AFF1: variants seen among roughly 807,000 people sequenced by gnomAD.
AFF1 encodes the protein AF4/FMR2 family member 1.
A neutral mutation model predicts 121.7 loss-of-function variants in AFF1; 48 were observed. The ratio of observed to expected loss-of-function variants is 0.39; its 90% CI spans 0.31 to 0.50. The LOEUF is 0.50. Among genes scored for constraint, AFF1 ranks in the 20% least tolerant of loss-of-function variants. AFF1 has a pLI of 0.76. For missense variants in AFF1, 1,523 were observed against 1,511.7 expected (o/e 1.01, Z -0.12); for synonymous variants, 613 against 563.0 (o/e 1.09, Z -1.26).
rs1729550044 is a variant in AFF1, at chr4:87,139,467, A to T, written c.*3766A>T. The T allele has an allele frequency of 4.3e-6, 1 of 232,484 alleles. No individual in the cohort carries two copies. Among genetic ancestry groups the T allele is most frequent in the East Asian group, 6.1e-5 (1 of 16,402 alleles). 14.4% of individuals were successfully genotyped at this position (232,484 alleles called of 1,614,324 possible). ...TAAAACTTTGCCATTTCATCTGTTTACACTCTTTGCCACTGATTAGCAGTA... is the reference window on the plus strand; with the variant it reads ...TAAAACTTTGCCATTTCATCTGTTTTCACTCTTTGCCACTGATTAGCAGTA... On this transcript the variant is annotated 3_prime_UTR_variant, in exon 21 of 21. Transcript: ENST00000395146.
chr4:87,063,904 A>G (rs956807387), intron 4 of AFF1, among the ~76,000 whole-genome samples: 1 of 152,236 alleles, frequency 6.6e-6, no homozygotes, highest in East Asian at 1.9e-4. Context: ...GCAGAATCCC[A>G]AGAAATATCT....
At position 87,114,856 on chromosome 4, in the gene AFF1, G is replaced by A; in HGVS notation, c.2023G>A (p.Glu675Lys). Residue 675 changes from glutamate to lysine, a missense_variant, in exon 12 of 21, where the codon GAG becomes AAG. Glu to Lys is a moderately conservative substitution (Grantham distance 56, BLOSUM62 1). Transcript: ENST00000395146. ...EPKPAVPPSS[E>K]KKKHKSSLPA... ...CAAGCCAGCAGTGCCCCCCTCCAGTGAGAAGAAGAAGCACAAGAGCTCCCT... is the reference window on the plus strand; with the variant it reads ...CAAGCCAGCAGTGCCCCCCTCCAGTAAGAAGAAGAAGCACAAGAGCTCCCT... 13 of 1,613,948 alleles carry A rather than the reference G, an allele frequency of 8.1e-6. No individual in the cohort carries two copies. The highest frequency in any genetic ancestry group is 1.1e-5 in the Non-Finnish European group (13 of 1,179,946).
chr4:87,075,486 G>C (rs577483126), intron 4 of AFF1, among the ~76,000 whole-genome samples: 116 of 152,240 alleles, frequency 7.6e-4, no homozygotes, highest in African/African-American at 2.6e-3. Context: ...ATCTTCCAGT[G>C]TTTATCCTGG....
Position 86,944,430 on chromosome 4 carries a change from G to T in AFF1, c.-36-4068G>T, listed in dbSNP as rs548306183. ...CGCCCATGCTGGAGTGCAGTGGCGC[G>T]ATCTCAGCTCACTGCAAGCTCCATC... On this transcript the variant is annotated intron_variant, in intron 1 of 20. Coordinates refer to ENST00000395146, the MANE Select transcript of AFF1 (RefSeq NM_001166693.3). Among the ~76,000 whole-genome samples the T allele has an allele frequency of 2.0e-3, 305 of 151,216 alleles. 2 individuals are homozygous for T. The highest frequency in any genetic ancestry group is 7.1e-3 in the African/African-American group (290 of 41,106).
At chr4:86,998,837 A>G (rs1178599775) in intron 2 of AFF1, among the ~76,000 whole-genome samples, 2 of 152,166 alleles carry the variant, frequency 1.3e-5, no homozygotes, top group Non-Finnish European at 2.9e-5. Flanking sequence ...ATCTAAAGTG[A>G]GCTCTTCCCA....
chr4:86,939,872 A>T (rs1578809086), intron 1 of AFF1, among the ~76,000 whole-genome samples: 1 of 152,184 alleles, frequency 6.6e-6, no homozygotes, highest in Non-Finnish European at 1.5e-5. Flanking sequence ...TTTGTGGCTG[A>T]TATTGATGCT....
At chr4:87,065,558 A>G (rs1721267086) in intron 4 of AFF1, among the ~76,000 whole-genome samples, 1 of 152,100 alleles carries the variant, frequency 6.6e-6, no homozygotes, top group South Asian at 2.1e-4. Context: ...AAAAAATAGT[A>G]CAAGTAGTAT....
chr4:86,963,727 C>T (rs1722315742), intron 2 of AFF1, among the ~76,000 whole-genome samples: 1 of 152,004 alleles, frequency 6.6e-6, no homozygotes, highest in African/African-American at 2.4e-5. Flanking sequence ...TCTCCCTTTC[C>T]CAGCTCCTCA....
At chr4:86,942,713 C>T (rs1490915629) in intron 1 of AFF1, among the ~76,000 whole-genome samples, 1 of 152,192 alleles carries the variant, frequency 6.6e-6, no homozygotes, top group Non-Finnish European at 1.5e-5. Flanking sequence ...ACAAATATGT[C>T]AGGCAAAGCC....
chr4:87,025,787 C>G (rs985472204), intron 2 of AFF1, among the ~76,000 whole-genome samples: 1 of 152,172 alleles, frequency 6.6e-6, no homozygotes, highest in Non-Finnish European at 1.5e-5. Context: ...CTGCAGGTTT[C>G]GCCTAGTTCC....
chr4:86,968,985 AAGG>A (rs1485075651), intron 2 of AFF1, among the ~76,000 whole-genome samples: 1 of 152,148 alleles, frequency 6.6e-6, no homozygotes, highest in Non-Finnish European at 1.5e-5. Flanking sequence ...GTGAAGAAAA[AAGG>A]AGAGAGAAGG....
At chr4:87,069,389 A>C (rs994829876) in intron 4 of AFF1, among the ~76,000 whole-genome samples, 6 of 122,032 alleles carry the variant, frequency 4.9e-5, no homozygotes, top group South Asian at 2.8e-4. Context: ...TTCTGTCCCC[A>C]TCTCCTCTCT....
At chr4:87,033,678 TCAGCAGTTTC>T (rs1338221473) in intron 2 of AFF1, among the ~76,000 whole-genome samples, 1 of 152,252 alleles carries the variant, frequency 6.6e-6, no homozygotes, top group Non-Finnish European at 1.5e-5. Context: ...TGGGGACGTT[TCAGCAGTTTC>T]TTCTTGAGGC....
chr4:87,107,403 G>C (rs1560631336), intron 10 of AFF1, among the ~76,000 whole-genome samples: 1 of 152,086 alleles, frequency 6.6e-6, no homozygotes, highest in Non-Finnish European at 1.5e-5. Flanking sequence ...TAGATTTATT[G>C]CCCCATTCTT....
intron 2 of AFF1, among the ~76,000 whole-genome samples, chr4:86,950,679 C>T (rs1721242525): frequency 6.6e-6 from 1 of 152,148 alleles, no homozygotes; most frequent in Non-Finnish European, 1.5e-5. Flanking sequence ...AATTCCTGGT[C>T]ATCATTGTGG....
At chr4:86,964,726 G>A (rs1034038631) in intron 2 of AFF1, among the ~76,000 whole-genome samples, 2 of 152,156 alleles carry the variant, frequency 1.3e-5, no homozygotes, top group Non-Finnish European at 2.9e-5. Flanking sequence ...GAGCCACTGC[G>A]CCCGGCTGTT....
chr4:87,031,487 T>A (rs1451504242), intron 2 of AFF1, among the ~76,000 whole-genome samples: 2 of 151,878 alleles, frequency 1.3e-5, no homozygotes. Context: ...TGTATCTCGC[T>A]AAATTGTGGA....
chr4:87,088,596 T>C (rs574187357), intron 5 of AFF1, among the ~76,000 whole-genome samples: 1 of 133,416 alleles, frequency 7.5e-6, no homozygotes, highest in Admixed American at 7.2e-5. Flanking sequence ...CTGGTAGAGT[T>C]GTATGTCAAT....
At chr4:87,088,524 G>A (rs558536681) in intron 5 of AFF1, among the ~76,000 whole-genome samples, 100 of 152,244 alleles carry the variant, frequency 6.6e-4, no homozygotes, top group African/African-American at 2.1e-3. Flanking sequence ...AGAATGAGGC[G>A]TTAGAATACA....
Sources: gnomAD v4.1 joint callset for allele counts (sites outside exome capture counted in the v4.1 genomes callset) on GRCh38, gnomAD v4.1.1 for gene constraint, MANE v1.5 for transcripts, NCBI Gene and HGNC (gene_info 2026-07-23, HGNC 2026-07-21) for gene names.